Variants in SLC36A3 observed in about 807,000 individuals in gnomAD.
SLC36A3 encodes solute carrier family 36 member 3, also known as proton-coupled amino acid transporter 3.
Under a neutral mutation model 44.3 loss-of-function variants are expected in SLC36A3, and 35 were observed. That is an observed-to-expected ratio of 0.79 (90% CI 0.60 to 1.05). SLC36A3 has a LOEUF of 1.05. Among genes scored for constraint, SLC36A3 ranks in the 50% least tolerant of loss-of-function variants. SLC36A3 has a pLI of 0.00. For synonymous variants in SLC36A3, 211 were observed against 227.6 expected (o/e 0.93, Z 0.66); for missense variants, 540 against 578.7 (o/e 0.93, Z 0.69).
Position 151,284,700 on chromosome 5 carries a change from ATATGGAATCCCC to A in SLC36A3, c.709-1_719del. 6.2e-7 allele frequency: 1 copy of A among 1,612,690 alleles called. No homozygotes were observed. Among genetic ancestry groups the A allele is most frequent in the Non-Finnish European group, 8.5e-7 (1 of 1,179,102 alleles). On this transcript the variant is annotated splice_acceptor_variant and coding_sequence_variant, in exon 7 of 10. Coordinates refer to ENST00000335230, the MANE Select transcript of SLC36A3 (RefSeq NM_181774.4). LOFTEE classifies it high-confidence loss of function. ...TTGCCATCAAGGGTAGGTTGCTGGGATATGGAATCCCCTAAAAGAAAGTGGGAGAAGCACATT... is the reference window on the plus strand; with the variant it reads ...TTGCCATCAAGGGTAGGTTGCTGGGATAAAAGAAAGTGGGAGAAGCACATT...
chr5:151,286,523 CT>C, intron 6 of SLC36A3, among the ~76,000 whole-genome samples: 1 of 152,154 alleles, frequency 6.6e-6, no homozygotes, highest in Non-Finnish European at 1.5e-5. Context: ...AACTCCTGGG[CT>C]TAAGCAACCC....
intron 8 of SLC36A3, among the ~76,000 whole-genome samples, chr5:151,281,655 TA>T (rs1187677571): frequency 6.6e-6 from 1 of 152,020 alleles, no homozygotes; most frequent in Non-Finnish European, 1.5e-5. Flanking sequence ...TCGTCTCTAA[TA>T]AAAATACAAA....
At chr5:151,288,548 A>G (rs1754632515) in intron 4 of SLC36A3, 78 bp from the exon 5 acceptor site, 2 of 1,103,892 alleles carry the variant, frequency 1.8e-6, no homozygotes, top group South Asian at 1.9e-5. Flanking sequence ...TACTATTTGA[A>G]ACAATTATTT....
At chr5:151,280,945 G>C in intron 9 of SLC36A3, 69 bp downstream of exon 9, 1 of 1,586,720 alleles carries the variant, frequency 6.3e-7, no homozygotes, top group South Asian at 1.1e-5. Flanking sequence ...ATCCAATGAT[G>C]GTGGGGTGGG....
At chr5:151,282,938 G>T (rs1354476979) in intron 8 of SLC36A3, among the ~76,000 whole-genome samples, 1 of 149,272 alleles carries the variant, frequency 6.7e-6, no homozygotes, top group Non-Finnish European at 1.5e-5. Flanking sequence ...AGGCTGGAAT[G>T]CAATGGCGTG....
At chr5:151,301,114 C>A (rs1044279176) in intron 1 of SLC36A3, among the ~76,000 whole-genome samples, 1 of 152,206 alleles carries the variant, frequency 6.6e-6, no homozygotes, top group Non-Finnish European at 1.5e-5. Context: ...TCAGACCTAA[C>A]CAACTCCATC....
intron 8 of SLC36A3, among the ~76,000 whole-genome samples, chr5:151,282,933 G>A (rs1356918944): frequency 6.7e-6 from 1 of 149,900 alleles, no homozygotes; most frequent in Non-Finnish European, 1.5e-5. Flanking sequence ...CACCTAGGCT[G>A]GAATGCAATG....
rs1238070451 is a variant in SLC36A3, at chr5:151,284,079, G to C, written c.939C>G (p.Thr313=). The C allele has an allele frequency of 3.1e-6, 5 of 1,613,488 alleles. No homozygotes were observed. Among genetic ancestry groups the C allele is most frequent in the Non-Finnish European group, 4.2e-6 (5 of 1,179,856 alleles). The stretch of plus-strand genomic sequence containing the variant: ...GCAAGTTGAGGGTGATGCTGGCCTG[G>C]GTGTCTGACCCAAACTTCATGTAGC... ...TLGYMKFGSD[T]QASITLNLPN... The change falls in exon 8 of 10, where the codon ACC becomes ACG. Residue 313 remains threonine, a synonymous_variant. Coordinates refer to ENST00000335230, the MANE Select transcript of SLC36A3 (RefSeq NM_181774.4).
intron 2 of SLC36A3, 184 bp downstream of exon 2, chr5:151,298,409 C>T (rs1467105394): frequency 5.1e-6 from 3 of 590,288 alleles, no homozygotes; most frequent in South Asian, 2.0e-5. Flanking sequence ...TAATGGTGTG[C>T]CCCCTTCAGG....
intron 8 of SLC36A3, among the ~76,000 whole-genome samples, chr5:151,282,715 T>C (rs1754369123): frequency 1.3e-5 from 2 of 152,166 alleles, no homozygotes; most frequent in Admixed American, 6.5e-5. Flanking sequence ...TGGGTAAAAG[T>C]CTACATGATT....
Position 151,298,680 on chromosome 5 carries a change from C to T in SLC36A3, c.132G>A (p.Met44Ile). The change falls in exon 2 of 10, where the codon ATG (methionine) becomes ATA (isoleucine). Residue 44 changes from methionine to isoleucine, a missense_variant. Transcript: ENST00000335230. Reference protein sequence around the residue: ...VHPAGEAGLSMMQTLIHLLKC... With the variant: ...VHPAGEAGLSIMQTLIHLLKC... ...TCAACAAGTGGATCAAAGTTTGCAT[C>T]ATCCTGTGGTGGGGAGAGTAGGGAG... 1 of 1,613,940 alleles carries T rather than the reference C, an allele frequency of 6.2e-7. No homozygotes were observed. Among genetic ancestry groups the T allele is most frequent in the Non-Finnish European group, 8.5e-7 (1 of 1,179,946 alleles).
intron 1 of SLC36A3, among the ~76,000 whole-genome samples, chr5:151,299,965 TAGAA>T (rs1755115199): frequency 6.6e-6 from 1 of 152,192 alleles, no homozygotes. Context: ...GCTCATTTGT[TAGAA>T]AGCGCATCCT....
At chr5:151,285,173 C>A (rs1754487546) in intron 6 of SLC36A3, among the ~76,000 whole-genome samples, 1 of 152,224 alleles carries the variant, frequency 6.6e-6, no homozygotes. Flanking sequence ...TTTCATTTAG[C>A]TTTAGCGTCC....
chr5:151,296,405 C>T (rs973051951), intron 2 of SLC36A3, 137 bp from the exon 3 acceptor site: 11 of 702,950 alleles, frequency 1.6e-5, no homozygotes, highest in South Asian at 1.5e-4. Context: ...TGAATGTCCT[C>T]ATGCTCCCAG....
At position 151,300,260 on chromosome 5, in the gene SLC36A3, A is replaced by G. The variant is rs559465393; in HGVS notation, c.129-1577T>C. Among the ~76,000 whole-genome samples, 14 of 152,280 alleles carry G rather than the reference A, an allele frequency of 9.2e-5. No individual in the cohort carries two copies. The South Asian group carries it at 2.9e-3, about 32-fold the overall frequency. On this transcript the variant is annotated intron_variant, in intron 1 of 9. Coordinates refer to ENST00000335230, the MANE Select transcript of SLC36A3 (RefSeq NM_181774.4). Reference sequence around the variant, plus strand: ...TAGAGAGTCATGGCAAGGGGCTAGGAAGAAGCTGTAACCAACCAGGTCTTT... The same window carrying G: ...TAGAGAGTCATGGCAAGGGGCTAGGGAGAAGCTGTAACCAACCAGGTCTTT...
intron 4 of SLC36A3, among the ~76,000 whole-genome samples, chr5:151,291,523 A>G (rs1037649725): frequency 2.0e-5 from 3 of 151,698 alleles, no homozygotes; most frequent in Admixed American, 6.6e-5. Flanking sequence ...TATTTTTTCT[A>G]TTTGGTTGGT....
In SLC36A3 at chr5:151,284,102, AGCCCAGTG is replaced by A. The variant is rs1754437855; in HGVS notation, c.908_915del (p.Thr303IlefsTer46). On this transcript the variant is annotated frameshift_variant, in exon 8 of 10. Transcript: ENST00000335230. LOFTEE classifies it high-confidence loss of function. ...TGGGTGTCTGACCCAAACTTCATGT[AGCCCAGTG>A]TCCCCAGTAAGATATAGAGGATGAT... 1.9e-6 allele frequency: 3 copies of A among 1,614,022 alleles called. No homozygotes were observed. In the African/African-American group the frequency reaches 4.0e-5, roughly 22 times the overall value.
chr5:151,282,302 G>A (rs1374761020), intron 8 of SLC36A3, among the ~76,000 whole-genome samples: 2 of 151,662 alleles, frequency 1.3e-5, no homozygotes, highest in Non-Finnish European at 2.9e-5. Flanking sequence ...CCGAGTAGCT[G>A]GGATTACAGG....
intron 4 of SLC36A3, 43 bp from the exon 5 acceptor site, chr5:151,288,513 G>T: frequency 2.3e-6 from 3 of 1,326,886 alleles, no homozygotes; most frequent in Non-Finnish European, 3.1e-6. Context: ...GGAAACAAAA[G>T]CTAAAATTAT....
Sources: allele counts gnomAD v4.1 joint callset (sites outside exome capture counted in the v4.1 genomes callset), GRCh38; gene constraint gnomAD v4.1.1; transcripts MANE v1.5; gene names NCBI Gene and HGNC (gene_info 2026-07-23, HGNC 2026-07-21).